Variants in CNOT1 observed in about 807,000 individuals in gnomAD.
CNOT1 encodes the protein CCR4-associated factor 1.
A neutral mutation model predicts 273.8 loss-of-function variants in CNOT1; 15 were observed. That is an observed-to-expected ratio of 0.05 (90% confidence interval 0.04 to 0.08). CNOT1 has a LOEUF of 0.08. Ranked by LOEUF, CNOT1 falls within the 10% of genes least tolerant of loss-of-function variation. The pLI, the probability that CNOT1 is intolerant of heterozygous loss-of-function variation, is 1.00. For missense variants in CNOT1, 1,644 were observed against 2,912.2 expected, an observed-to-expected ratio of 0.56 and a Z score of 10.02; for synonymous variants, 1,022 against 1,005.5, an observed-to-expected ratio of 1.02 and a Z score of -0.31.
At chr16:58,573,614 G>A (rs2041360946) in intron 16 of CNOT1, among the ~76,000 whole-genome samples, 2 of 151,108 alleles carry the variant, frequency 1.3e-5, no homozygotes, top group Non-Finnish European at 2.9e-5. Flanking sequence ...CCAAGTAGCT[G>A]GGACTACAGG....
At chr16:58,578,583 A>G in intron 13 of CNOT1, 116 bp downstream of exon 13, 2 of 1,471,274 alleles carry the variant, frequency 1.4e-6, no homozygotes, top group Non-Finnish European at 1.8e-6. Context: ...TATGACTTTT[A>G]AAGTCATAAT....
At position 58,520,579 on chromosome 16, in the gene CNOT1, T is replaced by C. The variant is rs995086603; in HGVS notation, c.*379A>G. ...GGGACACCAGGAATGTCAGAAGACA[T>C]GGAGCTATGCCCTCAGACAAGTGCA... On this transcript the variant is annotated 3_prime_UTR_variant, in exon 49 of 49. Coordinates refer to ENST00000317147, the MANE Select transcript of CNOT1 (RefSeq NM_016284.5). 2 of 206,774 alleles carry C rather than the reference T, an allele frequency of 9.7e-6. No individual in the cohort carries two copies. The highest frequency in any genetic ancestry group is 1.0e-4 in the Admixed American group (2 of 19,394). 12.8% of individuals were successfully genotyped at this position (206,774 alleles called of 1,614,324 possible).
chr16:58,604,796 T>TAA (rs1218956366), intron 1 of CNOT1, among the ~76,000 whole-genome samples: 1 of 48,438 alleles, frequency 2.1e-5, no homozygotes, highest in African/African-American at 8.5e-5. Flanking sequence ...AAACTCCGTC[T>TAA]AAAAAAAAAA....
At chr16:58,627,381 G>C (rs766238331) in intron 1 of CNOT1, among the ~76,000 whole-genome samples, 2 of 116,964 alleles carry the variant, frequency 1.7e-5, no homozygotes, top group Non-Finnish European at 3.2e-5. Flanking sequence ...CTCCAGCCTG[G>C]TGACAGAGCG....
intron 1 of CNOT1, among the ~76,000 whole-genome samples, chr16:58,606,573 CGGGA>C (rs1466222794): frequency 2.0e-5 from 3 of 152,188 alleles, no homozygotes; most frequent in South Asian, 2.1e-4. Flanking sequence ...GAGGCCGAGA[CGGGA>C]GGATCACCTG....
rs58087048 is a variant in CNOT1, at chr16:58,621,910, CAA to C, written c.-175+7816_-175+7817del. Among the ~76,000 whole-genome samples the C allele has an allele frequency of 2.1e-4, 18 of 85,334 alleles. No individual in the cohort carries two copies. In the South Asian group the frequency reaches 2.8e-3, roughly 13 times the overall value. 56.0% of individuals were successfully genotyped at this position (85,334 alleles called of 152,430 possible). A position where few individuals can be genotyped will look rare whatever the true frequency, so the allele number is the denominator to read the frequency against. On this transcript the variant is annotated intron_variant, in intron 1 of 48. Coordinates refer to ENST00000317147, the MANE Select transcript of CNOT1 (RefSeq NM_016284.5). The stretch of plus-strand genomic sequence containing the variant: ...TGGGCGACGGAAAGAGACTCCGTCT[CAA>C]AAAAAAAAAAAAAAAAAAAAAAGAA...
intron 46 of CNOT1, 112 bp from the exon 47 acceptor site, chr16:58,523,614 G>T: frequency 1.0e-6 from 1 of 969,088 alleles, no homozygotes; most frequent in Admixed American, 2.4e-5. Flanking sequence ...ATTAATCTTT[G>T]GTTTAAAGCA....
intron 39 of CNOT1, 97 bp from the exon 40 acceptor site, chr16:58,534,492 G>T: frequency 1.6e-6 from 2 of 1,283,506 alleles, no homozygotes; most frequent in South Asian, 1.5e-5. Context: ...ATTCTCATTT[G>T]TTCCTACTGT....
Position 58,614,392 on chromosome 16 carries a change from GCTTT to G in CNOT1, c.-174-14885_-174-14882del, listed in dbSNP as rs375385194. On this transcript the variant is annotated intron_variant, in intron 1 of 48. Coordinates refer to ENST00000317147, the MANE Select transcript of CNOT1 (RefSeq NM_016284.5). Reference sequence around the variant, plus strand: ...CAAATGTGGTTTATGATGAACACCGGCTTTCTATCTAGATGAATACCAGCTTTCT... The same window carrying G: ...CAAATGTGGTTTATGATGAACACCGGCTATCTAGATGAATACCAGCTTTCT... Among the ~76,000 whole-genome samples the G allele has an allele frequency of 5.6e-5, 7 of 125,212 alleles. 2 individuals carry two copies. Among genetic ancestry groups the G allele is most frequent in the African/African-American group, 1.9e-4 (7 of 37,242 alleles). 82.1% of individuals were successfully genotyped at this position (125,212 alleles called of 152,430 possible).
At position 58,575,033 on chromosome 16, in the gene CNOT1, G is replaced by A; in HGVS notation, c.1801C>T (p.Leu601Phe). 1.2e-6 allele frequency: 2 copies of A among 1,614,034 alleles called. No homozygotes were observed. Among genetic ancestry groups the A allele is most frequent in the Non-Finnish European group, 1.7e-6 (2 of 1,180,006 alleles). The part of the protein sequence containing the change: ...RREYLKLDKW[L>F]TDKIREHGEP... The stretch of plus-strand genomic sequence containing the variant: ...CCATGCTCTCGAATTTTATCTGTGA[G>A]CCACTTATCAAGTTTGAGGTATTCA... The change falls in exon 15 of 49, where the codon CTC (leucine) becomes TTC (phenylalanine). Residue 601 changes from leucine (L) to phenylalanine (F), a missense_variant. By Grantham distance (22) the Leu-to-Phe change is conservative. Transcript: ENST00000317147.
In CNOT1 at chr16:58,574,701, G is replaced by A. The variant is rs750039011; in HGVS notation, c.1887C>T (p.Gly629=). 27 of 1,607,920 alleles carry A rather than the reference G, an allele frequency of 1.7e-5. No individual in the cohort carries two copies. The highest frequency in any genetic ancestry group is 1.1e-4 in the Admixed American group (6 of 57,138). The part of the protein sequence containing the change: ...FLKRRCPSIL[G]GLAPEKDQPK... ...GCTGGTCTTTTTCTGGGGCAAGTCC[G>A]CCCAAAATAGAAGGACACCGTCTCT... The change falls in exon 16 of 49, where the codon GGC becomes GGT. Residue 629 remains glycine, a synonymous_variant. Coordinates refer to ENST00000317147, the MANE Select transcript of CNOT1 (RefSeq NM_016284.5).
At chr16:58,545,619 T>A in intron 29 of CNOT1, 128 bp from the exon 30 acceptor site, 8 of 980,032 alleles carry the variant, frequency 8.2e-6, no homozygotes, top group East Asian at 3.5e-5. Context: ...GGGAAGGATG[T>A]AGCAGGTCCT....
At chr16:58,528,737 AAAAG>A (rs2039680198) in intron 43 of CNOT1, 89 bp from the exon 44 acceptor site, 3 of 816,394 alleles carry the variant, frequency 3.7e-6, no homozygotes, top group Non-Finnish European at 5.7e-6. Context: ...CACCCCCCTC[AAAAG>A]AATGAAGTAT....
intron 1 of CNOT1, among the ~76,000 whole-genome samples, chr16:58,618,759 C>T (rs986719871): frequency 1.3e-5 from 2 of 151,988 alleles, no homozygotes; most frequent in Admixed American, 1.3e-4. Context: ...CATTACCTGT[C>T]TGACATGAAA....
chr16:58,628,964 T>A (rs968221947), intron 1 of CNOT1, among the ~76,000 whole-genome samples: 1 of 152,256 alleles, frequency 6.6e-6, no homozygotes, highest in African/African-American at 2.4e-5. Context: ...CCTTGAGGCC[T>A]ACAAGTGCTC....
intron 40 of CNOT1, chr16:58,532,672 A>G (rs2039807448): frequency 2.5e-6 from 1 of 397,072 alleles, no homozygotes; most frequent in Non-Finnish European, 4.5e-6. Context: ...TCTAGAAATC[A>G]GCAAGGCCCC....
At chr16:58,619,861 A>G (rs182891483) in intron 1 of CNOT1, among the ~76,000 whole-genome samples, 137 of 152,348 alleles carry the variant, frequency 9.0e-4, no homozygotes, top group Non-Finnish European at 1.3e-3. Flanking sequence ...TTGGGGGTAA[A>G]GAAAGATCTC....
Position 58,547,730 on chromosome 16 carries a change from G to GA in CNOT1, c.3523-49dup. ...AAGATATGAGAATAAGCTTATGAAA[G>GA]AAAACTCAACTAAGTATTTGAGAAT... On this transcript the variant is annotated intron_variant, in intron 25 of 48. Transcript: ENST00000317147. The surrounding 1 kb of genome is among the most constrained non-coding windows in gnomAD (Gnocchi z 4.0). The GA allele has an allele frequency of 6.4e-7, 1 of 1,556,316 alleles. No individual in the cohort carries two copies. The highest frequency in any genetic ancestry group is 8.7e-7 in the Non-Finnish European group (1 of 1,146,442).
intron 27 of CNOT1, 134 bp from the exon 28 acceptor site, chr16:58,546,883 TA>T: frequency 3.3e-6 from 4 of 1,198,696 alleles, no homozygotes; most frequent in Non-Finnish European, 3.5e-6. Context: ...GATTAAAAAA[TA>T]ACCAAAAACA....
Sources: allele counts gnomAD v4.1 joint callset (sites outside exome capture counted in the v4.1 genomes callset), GRCh38; gene constraint gnomAD v4.1.1; non-coding constraint Gnocchi (gnomAD v3.1); transcripts MANE v1.5; gene names NCBI Gene and HGNC (gene_info 2026-07-23, HGNC 2026-07-21).